SYT1: variants seen among roughly 807,000 people sequenced by gnomAD.
SYT1 encodes the protein synaptotagmin-1.
Under a neutral mutation model 44.8 loss-of-function variants are expected in SYT1, and 8 were observed. The ratio of observed to expected loss-of-function variants is 0.18; its 90% confidence interval spans 0.10 to 0.32. The LOEUF is 0.32. Among genes scored for constraint, SYT1 ranks in the 10% least tolerant of loss-of-function variants. The pLI is 1.00. For synonymous variants in SYT1, 154 were observed against 188.8 expected (o/e 0.82, Z 1.51); for missense variants, 286 against 509.3 (o/e 0.56, Z 4.22).
intron 3 of SYT1, among the ~76,000 whole-genome samples, chr12:79,167,831 G>A (rs1308619025): frequency 6.6e-6 from 1 of 152,056 alleles, no homozygotes; most frequent in Non-Finnish European, 1.5e-5. Flanking sequence ...CAGCGGGCTG[G>A]GAATGGGGTG....
chr12:78,920,572 C>A (rs922790605), intron 1 of SYT1, among the ~76,000 whole-genome samples: 14 of 151,764 alleles, frequency 9.2e-5, no homozygotes, highest in African/African-American at 3.4e-4. Context: ...CTTTTATAAC[C>A]AAGTTCTCTA....
intron 8 of SYT1, among the ~76,000 whole-genome samples, chr12:79,348,072 G>A (rs1474960239): frequency 6.6e-6 from 1 of 152,156 alleles, no homozygotes; most frequent in Non-Finnish European, 1.5e-5. Context: ...GAGAACAGTG[G>A]TAGGATACGA....
chr12:79,305,799 C>T (rs548759197), intron 8 of SYT1, among the ~76,000 whole-genome samples: 12 of 152,254 alleles, frequency 7.9e-5, no homozygotes, highest in East Asian at 1.9e-4. Context: ...CGGGTTCAAG[C>T]GATTCTCCTG....
intron 3 of SYT1, among the ~76,000 whole-genome samples, chr12:79,090,630 A>G (rs550615516): frequency 3.9e-5 from 6 of 152,160 alleles, no homozygotes; most frequent in African/African-American, 1.2e-4. Flanking sequence ...CTATAAACCA[A>G]ACAGACAGAT....
At chr12:79,107,490 T>G (rs181353436) in intron 3 of SYT1, among the ~76,000 whole-genome samples, 1 of 152,088 alleles carries the variant, frequency 6.6e-6, no homozygotes, top group East Asian at 1.9e-4. Context: ...TGACATAAGA[T>G]AGGTTTGTTC....
intron 3 of SYT1, among the ~76,000 whole-genome samples, chr12:79,145,765 G>T (rs968678961): frequency 0.075 from 10,792 of 144,452 alleles, 499 homozygotes; most frequent in African/African-American, 0.12. Flanking sequence ...TTGTTTGTTT[G>T]TTTGTTTTTT....
chr12:78,887,193 C>G (rs904610263), intron 1 of SYT1, among the ~76,000 whole-genome samples: 2 of 151,936 alleles, frequency 1.3e-5, no homozygotes, highest in African/African-American at 4.8e-5. Context: ...TCACGCCATC[C>G]TACTCCATCC....
intron 8 of SYT1, among the ~76,000 whole-genome samples, chr12:79,351,265 A>G (rs1882888954): frequency 6.6e-6 from 1 of 152,176 alleles, no homozygotes; most frequent in Non-Finnish European, 1.5e-5. Context: ...CTGAAGATAA[A>G]TATTATGTAA....
intron 3 of SYT1, among the ~76,000 whole-genome samples, chr12:79,129,350 G>A (rs964444929): frequency 6.6e-5 from 10 of 152,164 alleles, no homozygotes; most frequent in African/African-American, 2.2e-4. Context: ...AGTTTGCTAT[G>A]AGCAGAAGAT....
At chr12:79,109,264 A>G (rs1421603273) in intron 3 of SYT1, among the ~76,000 whole-genome samples, 1 of 152,204 alleles carries the variant, frequency 6.6e-6, no homozygotes, top group East Asian at 1.9e-4. Context: ...GTAATAGTCA[A>G]AATATTGAAC....
At chr12:79,366,819 G>C (rs924789852) in intron 9 of SYT1, among the ~76,000 whole-genome samples, 2 of 151,092 alleles carry the variant, frequency 1.3e-5, no homozygotes, top group African/African-American at 4.9e-5. Context: ...ACAGTTCTTG[G>C]TTAACTCTTA....
chr12:79,343,948 C>G (rs17005498), intron 8 of SYT1, among the ~76,000 whole-genome samples: 1,708 of 152,226 alleles, frequency 0.011, 37 homozygotes, highest in African/African-American at 0.04. Context: ...TGCAAATTTC[C>G]ACAAACTCCG....
intron 8 of SYT1, among the ~76,000 whole-genome samples, chr12:79,311,296 T>G (rs1880773301): frequency 6.6e-6 from 1 of 152,072 alleles, no homozygotes; most frequent in South Asian, 2.1e-4. Flanking sequence ...ATCAGAGAAA[T>G]GCAAATCAAA....
At chr12:78,900,112 C>A (rs1201940477) in intron 1 of SYT1, among the ~76,000 whole-genome samples, 1 of 151,970 alleles carries the variant, frequency 6.6e-6, no homozygotes, top group Non-Finnish European at 1.5e-5. Context: ...TAAGTGGTGA[C>A]TAAGAGAGGC....
intron 3 of SYT1, among the ~76,000 whole-genome samples, chr12:79,166,324 C>T (rs1167203387): frequency 5.3e-5 from 8 of 151,860 alleles, no homozygotes; most frequent in Non-Finnish European, 1.0e-4. Context: ...ATCATAATTG[C>T]AATAGAATAC....
chr12:79,050,066 C>T (rs1874359888), intron 3 of SYT1, among the ~76,000 whole-genome samples: 1 of 152,008 alleles, frequency 6.6e-6, no homozygotes, highest in Admixed American at 6.6e-5. Flanking sequence ...ACTTTTAACT[C>T]CTCCAAAACT....
intron 2 of SYT1, among the ~76,000 whole-genome samples, chr12:79,008,248 T>C (rs1871213138): frequency 6.6e-6 from 1 of 151,956 alleles, no homozygotes; most frequent in South Asian, 2.1e-4. Context: ...ATTCAGCATG[T>C]GCAAAAGTCC....
intron 1 of SYT1, among the ~76,000 whole-genome samples, chr12:78,900,906 G>A (rs373903791): frequency 2.0e-5 from 3 of 151,976 alleles, no homozygotes; most frequent in South Asian, 4.2e-4. Flanking sequence ...AATTCATTGC[G>A]GTTTGTCAGA....
chr12:79,425,221 G>A (rs954161514), intron 9 of SYT1, among the ~76,000 whole-genome samples: 9 of 151,888 alleles, frequency 5.9e-5, no homozygotes, highest in African/African-American at 2.2e-4. Context: ...CTAAGGTAAT[G>A]GCAGGAATGT....
Sources: gnomAD v4.1 joint callset for allele counts (sites outside exome capture counted in the v4.1 genomes callset) on GRCh38, gnomAD v4.1.1 for gene constraint, MANE v1.5 for transcripts, NCBI Gene and HGNC (gene_info 2026-07-23, HGNC 2026-07-21) for gene names.